Variants in RIC8B observed in about 807,000 individuals in gnomAD.
The protein encoded by RIC8B is chaperone Ric-8B.
Under a neutral mutation model 57.5 loss-of-function variants are expected in RIC8B, and 16 were observed. The ratio of observed to expected loss-of-function variants is 0.28; its 90% confidence interval spans 0.19 to 0.42. RIC8B has a LOEUF of 0.42. Among genes scored for constraint, RIC8B ranks in the 10% least tolerant of loss-of-function variants. The pLI is 1.00. For missense variants in RIC8B, 481 were observed against 677.0 expected (o/e 0.71, Z 3.21); for synonymous variants, 216 against 250.8 (o/e 0.86, Z 1.31).
At chr12:106,778,707 C>T (rs552082081) in intron 1 of RIC8B, among the ~76,000 whole-genome samples, 1 of 152,208 alleles carries the variant, frequency 6.6e-6, no homozygotes, top group Non-Finnish European at 1.5e-5. Flanking sequence ...TTTTGCAGGG[C>T]TATGTTGCCT....
chr12:106,871,003 C>A (rs985452887), intron 9 of RIC8B, 61 bp downstream of exon 9: 2 of 1,496,388 alleles, frequency 1.3e-6, no homozygotes, highest in Admixed American at 4.1e-5. Flanking sequence ...CTTTGTCTCT[C>A]TCACTGAGAG....
chr12:106,838,231 A>G (rs767483315), intron 4 of RIC8B, among the ~76,000 whole-genome samples: 1 of 152,212 alleles, frequency 6.6e-6, no homozygotes, highest in Non-Finnish European at 1.5e-5. Flanking sequence ...CAATGGGGAA[A>G]AAAATAGTCT....
chr12:106,812,162 A>C (rs2045363248), intron 2 of RIC8B, among the ~76,000 whole-genome samples: 1 of 152,226 alleles, frequency 6.6e-6, no homozygotes, highest in Admixed American at 6.5e-5. Flanking sequence ...CGTGTGAGGT[A>C]GGTCTGTAGT....
chr12:106,819,091 A>G (rs1047727445), intron 3 of RIC8B, among the ~76,000 whole-genome samples: 10 of 152,322 alleles, frequency 6.6e-5, no homozygotes, highest in African/African-American at 2.2e-4. Flanking sequence ...ACTATTCTTC[A>G]TTGTATAATA....
intron 1 of RIC8B, chr12:106,775,556 T>A (rs1337228954): frequency 6.3e-6 from 2 of 318,646 alleles, no homozygotes; most frequent in Non-Finnish European, 1.3e-5. Flanking sequence ...CAATTGAGAC[T>A]CTAGATTGGT....
intron 6 of RIC8B, among the ~76,000 whole-genome samples, chr12:106,850,355 G>A: frequency 6.6e-6 from 1 of 152,168 alleles, no homozygotes; most frequent in Non-Finnish European, 1.5e-5. Flanking sequence ...TAATGAAGTT[G>A]CCTACAAACT....
At chr12:106,783,891 A>G (rs551312239) in intron 1 of RIC8B, 106 bp from the exon 2 acceptor site, 1 of 941,710 alleles carries the variant, frequency 1.1e-6, no homozygotes, top group East Asian at 2.5e-5. Context: ...AGATACGGGA[A>G]GGCAACATTT....
chr12:106,781,201 C>T (rs766508255), intron 1 of RIC8B, among the ~76,000 whole-genome samples: 1 of 152,146 alleles, frequency 6.6e-6, no homozygotes, highest in Non-Finnish European at 1.5e-5. Flanking sequence ...CTGTCCACCT[C>T]AGCCCCCCAA....
chr12:106,857,730 T>C (rs1949765773), intron 7 of RIC8B, among the ~76,000 whole-genome samples: 1 of 152,198 alleles, frequency 6.6e-6, no homozygotes, highest in Non-Finnish European at 1.5e-5. Flanking sequence ...TTTACTACTT[T>C]CCCAGTATCA....
At chr12:106,779,854 C>T (rs1232833510) in intron 1 of RIC8B, among the ~76,000 whole-genome samples, 1 of 147,366 alleles carries the variant, frequency 6.8e-6, no homozygotes, top group Non-Finnish European at 1.5e-5. Flanking sequence ...CTTGCTCCCC[C>T]ACGGGGGCCT....
chr12:106,871,207 C>G, intron 9 of RIC8B: 1 of 262,220 alleles, frequency 3.8e-6, no homozygotes. Flanking sequence ...CAACTAACCT[C>G]CCTGTCTTCA....
In RIC8B at chr12:106,858,402, C is replaced by T. The variant is rs145324424; in HGVS notation, c.1307-1866C>T. 5.2e-4 allele frequency among the ~76,000 whole-genome samples: 79 copies of T among 152,146 alleles called. 1 individual carries two copies. Among genetic ancestry groups the T allele is most frequent in the African/African-American group, 1.8e-3 (74 of 41,514 alleles). On this transcript the variant is annotated intron_variant, in intron 7 of 9. Transcript: ENST00000392837. The stretch of plus-strand genomic sequence containing the variant: ...CTTTGTGTGGGTTTAGATCTGTGAT[C>T]CTTTGCCTTCAGTCGCTTTGTGTCT...
chr12:106,778,803 G>A (rs1180712178), intron 1 of RIC8B, among the ~76,000 whole-genome samples: 1 of 152,118 alleles, frequency 6.6e-6, no homozygotes, highest in Non-Finnish European at 1.5e-5. Flanking sequence ...AATATCCAAA[G>A]GGGATTGCTT....
intron 3 of RIC8B, chr12:106,823,282 AG>A (rs1307325171): frequency 1.2e-4 from 35 of 299,692 alleles, no homozygotes; most frequent in Admixed American, 2.4e-4. Flanking sequence ...TGAAACCTGG[AG>A]TATGCAAAGG....
chr12:106,865,376 A>G (rs1339694526), intron 8 of RIC8B, among the ~76,000 whole-genome samples: 1 of 152,206 alleles, frequency 6.6e-6, no homozygotes, highest in East Asian at 1.9e-4. Flanking sequence ...AAAGCCAATC[A>G]AAGAGAGAAA....
intron 2 of RIC8B, among the ~76,000 whole-genome samples, chr12:106,795,851 A>G (rs1453918819): frequency 1.3e-5 from 2 of 152,178 alleles, no homozygotes; most frequent in African/African-American, 2.4e-5. Flanking sequence ...CAATAATGTT[A>G]TACAGGAATG....
chr12:106,852,898 CTGAAT>C (rs1487428367), intron 7 of RIC8B, among the ~76,000 whole-genome samples: 79 of 152,310 alleles, frequency 5.2e-4, no homozygotes, highest in African/African-American at 1.4e-3. Context: ...TAAATATTGG[CTGAAT>C]TGAATTGATT....
chr12:106,846,916 C>T (rs1949216934), intron 6 of RIC8B, among the ~76,000 whole-genome samples: 1 of 152,132 alleles, frequency 6.6e-6, no homozygotes, highest in African/African-American at 2.4e-5. Flanking sequence ...ATCAACTTTC[C>T]TTCTGAAGAG....
At chr12:106,780,108 G>A (rs576402255) in intron 1 of RIC8B, among the ~76,000 whole-genome samples, 1 of 152,224 alleles carries the variant, frequency 6.6e-6, no homozygotes, top group South Asian at 2.1e-4. Flanking sequence ...GAGGTATGGA[G>A]TAGTATCATG....
Sources: allele counts gnomAD v4.1 joint callset (sites outside exome capture counted in the v4.1 genomes callset), GRCh38; gene constraint gnomAD v4.1.1; transcripts MANE v1.5; gene names NCBI Gene and HGNC (gene_info 2026-07-23, HGNC 2026-07-21).